Variants in MECOM observed in about 807,000 individuals in gnomAD.
MECOM encodes the protein MDS1 and EVI1 complex locus.
MECOM carries 13 observed loss-of-function variants against 116.3 expected under a neutral mutation model. That is an observed-to-expected ratio of 0.11 (90% CI 0.07 to 0.18). The LOEUF is 0.18. Ranked by LOEUF, MECOM falls within the 10% of genes least tolerant of loss-of-function variation. The probability of loss-of-function intolerance (pLI) is 1.00; values close to 1 mark genes in which losing one functional copy is unlikely to be tolerated. For synonymous variants in MECOM, 528 were observed against 535.2 expected, an observed-to-expected ratio of 0.99 and a Z score of 0.19; for missense variants, 1,299 against 1,509.0, an observed-to-expected ratio of 0.86 and a Z score of 2.31.
chr3:169,608,847 T>C (rs1441550353), intron 1 of MECOM, among the ~76,000 whole-genome samples: 2 of 152,214 alleles, frequency 1.3e-5, no homozygotes, highest in Non-Finnish European at 2.9e-5. Flanking sequence ...GCACAGCATT[T>C]AAAGTTTTTA....
intron 16 of MECOM, among the ~76,000 whole-genome samples, chr3:169,088,398 T>C (rs1168957756): frequency 6.6e-6 from 1 of 152,224 alleles, no homozygotes; most frequent in Non-Finnish European, 1.5e-5. Flanking sequence ...TAGAGCCTAA[T>C]AAATTTGAGT....
At chr3:169,266,639 CA>C (rs1758343150) in intron 2 of MECOM, among the ~76,000 whole-genome samples, 1 of 152,140 alleles carries the variant, frequency 6.6e-6, no homozygotes, top group Non-Finnish European at 1.5e-5. Context: ...TCACATAAAG[CA>C]ATCTGTACTT....
chr3:169,161,671 A>G (rs1252551600), intron 2 of MECOM, among the ~76,000 whole-genome samples: 3 of 152,184 alleles, frequency 2.0e-5, no homozygotes, highest in Non-Finnish European at 4.4e-5. Flanking sequence ...AAAGTGGTCT[A>G]ATTCTCCTCA....
At chr3:169,291,404 T>A (rs1288802665) in intron 2 of MECOM, among the ~76,000 whole-genome samples, 1 of 152,180 alleles carries the variant, frequency 6.6e-6, no homozygotes, top group Non-Finnish European at 1.5e-5. Flanking sequence ...ACAGTAAATA[T>A]AATTGCCCTA....
intron 1 of MECOM, among the ~76,000 whole-genome samples, chr3:169,385,972 T>C (rs1215531410): frequency 6.6e-6 from 1 of 152,200 alleles, no homozygotes; most frequent in Non-Finnish European, 1.5e-5. Context: ...CCTTTAGGCA[T>C]GTCATTAACT....
chr3:169,336,445 AT>A (rs758113167), intron 2 of MECOM, among the ~76,000 whole-genome samples: 168 of 149,174 alleles, frequency 1.1e-3, no homozygotes, highest in African/African-American at 2.4e-3. Context: ...AAGTTACACT[AT>A]TTTTTTTTTA....
intron 1 of MECOM, among the ~76,000 whole-genome samples, chr3:169,580,487 A>C (rs1765006588): frequency 6.6e-6 from 1 of 152,200 alleles, no homozygotes; most frequent in Non-Finnish European, 1.5e-5. Flanking sequence ...GAATAAAATA[A>C]AATATTCACC....
chr3:169,326,583 C>T (rs1721863376), intron 2 of MECOM, among the ~76,000 whole-genome samples: 1 of 152,060 alleles, frequency 6.6e-6, no homozygotes, highest in Admixed American at 6.6e-5. Flanking sequence ...TTTTGCTTCC[C>T]ACAGAAATGA....
chr3:169,446,269 C>G (rs1031239348), intron 1 of MECOM, among the ~76,000 whole-genome samples: 3 of 152,058 alleles, frequency 2.0e-5, no homozygotes, highest in African/African-American at 7.2e-5. Flanking sequence ...TGGGAGGGAA[C>G]CAGGGGGAGG....
intron 1 of MECOM, among the ~76,000 whole-genome samples, chr3:169,512,613 C>G (rs1756117788): frequency 6.6e-6 from 1 of 152,202 alleles, no homozygotes; most frequent in Non-Finnish European, 1.5e-5. Context: ...CTGTTTTGTC[C>G]AAAGTGCCTG....
intron 1 of MECOM, among the ~76,000 whole-genome samples, chr3:169,547,107 G>A (rs1267319412): frequency 1.3e-5 from 2 of 152,136 alleles, no homozygotes; most frequent in East Asian, 3.8e-4. Flanking sequence ...CAGTGTTGAG[G>A]GAGGAACTTG....
In MECOM at chr3:169,663,554, TTCTC is replaced by T. The variant is rs1245743725; in HGVS notation, c.-186_-183del. The T allele has an allele frequency of 1.2e-5, 7 of 575,204 alleles. No homozygotes were observed. Among genetic ancestry groups the T allele is most frequent in the East Asian group, 3.2e-5 (1 of 31,248 alleles). 35.6% of individuals were successfully genotyped at this position (575,204 alleles called of 1,614,324 possible). A position where few individuals can be genotyped will look rare whatever the true frequency, so the allele number is the denominator to read the frequency against. ...TCCCTCCCTCCTGTTTCTCTCCTGT[TTCTC>T]TCTCTCTTCCACACACTCACTCTCT... On this transcript the variant is annotated 5_prime_UTR_variant, in exon 1 of 17. Coordinates refer to ENST00000651503, the MANE Select transcript of MECOM (RefSeq NM_004991.4).
chr3:169,204,174 A>G (rs1749594825), intron 2 of MECOM, among the ~76,000 whole-genome samples: 1 of 152,180 alleles, frequency 6.6e-6, no homozygotes. Context: ...GGTTACCACA[A>G]CATACTTAAC....
At position 169,279,391 on chromosome 3, in the gene MECOM, G is replaced by C. The variant is rs193210802; in HGVS notation, c.375+101796C>G. Among the ~76,000 whole-genome samples, 3 of 152,264 alleles carry C rather than the reference G, an allele frequency of 2.0e-5. No individual in the cohort carries two copies. The East Asian group carries it at 5.8e-4, about 29-fold the overall frequency. ...TCCCCCCACTACACAAAAAAGACCA[G>C]AGTAAGTTGCTTGTTACGTAGTTGT... On this transcript the variant is annotated intron_variant, in intron 2 of 16. Transcript: ENST00000651503.
At chr3:169,284,711 T>C (rs138134921) in intron 2 of MECOM, among the ~76,000 whole-genome samples, 1,589 of 152,156 alleles carry the variant, frequency 0.01, 17 homozygotes, top group Middle Eastern at 0.017. Context: ...AATAAGGACA[T>C]AGAGGTTCAC....
intron 2 of MECOM, among the ~76,000 whole-genome samples, chr3:169,203,067 G>C (rs115320107): frequency 6.6e-6 from 1 of 152,156 alleles, no homozygotes; most frequent in South Asian, 2.1e-4. Flanking sequence ...GACTATTTTA[G>C]CAGTCATTTT....
At chr3:169,513,502 C>T (rs1756238674) in intron 1 of MECOM, among the ~76,000 whole-genome samples, 1 of 152,180 alleles carries the variant, frequency 6.6e-6, no homozygotes, top group African/African-American at 2.4e-5. Context: ...GTTTCCATTG[C>T]AGAACTGTAA....
chr3:169,600,539 C>A (rs537664080), intron 1 of MECOM, among the ~76,000 whole-genome samples: 1 of 152,090 alleles, frequency 6.6e-6, no homozygotes, highest in Admixed American at 6.5e-5. Flanking sequence ...TACCCAGGGG[C>A]CATGATTAAT....
chr3:169,321,540 C>CA (rs112385413), intron 2 of MECOM, among the ~76,000 whole-genome samples: 9,483 of 136,702 alleles, frequency 0.069, 410 homozygotes, highest in East Asian at 0.18. Flanking sequence ...GACTCCGTCT[C>CA]AAAAAAAAAA....
Sources: gnomAD v4.1 joint callset for allele counts (sites outside exome capture counted in the v4.1 genomes callset) on GRCh38, gnomAD v4.1.1 for gene constraint, MANE v1.5 for transcripts, NCBI Gene and HGNC (gene_info 2026-07-23, HGNC 2026-07-21) for gene names.